Variants in CHD6 observed in about 807,000 individuals in gnomAD.
The protein encoded by CHD6 is ATP-dependent chromatin remodeler CHD6.
Under a neutral mutation model 276.9 loss-of-function variants are expected in CHD6, and 50 were observed. That is an observed-to-expected ratio of 0.18 (90% CI 0.14 to 0.23). The LOEUF (loss-of-function observed/expected upper bound fraction) is 0.23. Ranked by LOEUF, CHD6 falls within the 10% of genes least tolerant of loss-of-function variation. The probability of loss-of-function intolerance (pLI) is 1.00; values close to 1 mark genes in which losing one functional copy is unlikely to be tolerated. For missense variants in CHD6, 2,564 were observed against 3,365.8 expected (o/e 0.76, Z 5.89); for synonymous variants, 1,173 against 1,229.3 (o/e 0.95, Z 0.96).
chr20:41,477,445 T>A (rs2043192321), intron 16 of CHD6, among the ~76,000 whole-genome samples: 1 of 152,030 alleles, frequency 6.6e-6, no homozygotes, highest in Non-Finnish European at 1.5e-5. Flanking sequence ...TCAATATATT[T>A]GGAAATAAAT....
At chr20:41,575,958 T>C (rs1353318527) in intron 1 of CHD6, among the ~76,000 whole-genome samples, 1 of 152,228 alleles carries the variant, frequency 6.6e-6, no homozygotes, top group Non-Finnish European at 1.5e-5. Context: ...AAAAAAACTT[T>C]GGGAAATGAA....
chr20:41,592,219 C>G (rs987179508), intron 1 of CHD6, among the ~76,000 whole-genome samples: 1 of 151,594 alleles, frequency 6.6e-6, no homozygotes, highest in African/African-American at 2.4e-5. Context: ...CAAAACAAAA[C>G]AAAAAAAACT....
At chr20:41,562,553 C>T (rs545229275) in intron 1 of CHD6, among the ~76,000 whole-genome samples, 5 of 151,274 alleles carry the variant, frequency 3.3e-5, no homozygotes, top group South Asian at 2.1e-4. Flanking sequence ...TTGAAACATA[C>T]GGCAATTTGT....
chr20:41,569,076 C>T (rs533608706), intron 1 of CHD6, among the ~76,000 whole-genome samples: 25 of 152,126 alleles, frequency 1.6e-4, no homozygotes, highest in Non-Finnish European at 2.6e-4. Flanking sequence ...ATACATAGAG[C>T]AGGACATGGC....
rs1189323419 is a variant in CHD6, at chr20:41,504,077, C to CAAAAAAAAAAAAAA, written c.853-4734_853-4721dup. Among the ~76,000 whole-genome samples, 132 of 27,092 alleles carry CAAAAAAAAAAAAAA rather than the reference C, an allele frequency of 4.9e-3. 11 individuals are homozygous for CAAAAAAAAAAAAAA. The highest frequency in any genetic ancestry group is 8.0e-3 in the African/African-American group (62 of 7,714). 17.8% of individuals were successfully genotyped at this position (27,092 alleles called of 152,430 possible). A position where few individuals can be genotyped will look rare whatever the true frequency, so the allele number is the denominator to read the frequency against. On this transcript the variant is annotated intron_variant, in intron 5 of 36. Transcript: ENST00000373233. ...TGGGTGATAGAGTGAGACTCTGTCTCAAAAAAAAAAAAAAAAAAAAAAAAA... is the reference window on the plus strand; with the variant it reads ...TGGGTGATAGAGTGAGACTCTGTCTCAAAAAAAAAAAAAAAAAAAAAAAAAAAAAAAAAAAAAAA...
intron 1 of CHD6, among the ~76,000 whole-genome samples, chr20:41,566,665 G>A (rs1402624520): frequency 6.6e-6 from 1 of 152,160 alleles, no homozygotes; most frequent in African/African-American, 2.4e-5. Flanking sequence ...ATGGGAACCA[G>A]GGGTCACCCC....
intron 16 of CHD6, among the ~76,000 whole-genome samples, chr20:41,481,504 GAGA>G (rs2043295037): frequency 6.6e-6 from 1 of 151,908 alleles, no homozygotes; most frequent in Admixed American, 6.6e-5. Context: ...AAATTAAAGA[GAGA>G]ATAATTTTGA....
rs2043091810 is a variant in CHD6, at chr20:41,473,067, T to G, written c.2664+255A>C. ...TTCTGATAATAATAATAATTAGTAG[T>G]TCTAGTCTATATCTGGAGGCTACCA... On this transcript the variant is annotated intron_variant, in intron 17 of 36. Coordinates refer to ENST00000373233, the MANE Select transcript of CHD6 (RefSeq NM_032221.5). This position sits in a 1 kb window ranked among gnomAD's most constrained non-coding sequence, Gnocchi z 4.1. 1 of 420,492 alleles carries G rather than the reference T, an allele frequency of 2.4e-6. No homozygotes were observed. Among genetic ancestry groups the G allele is most frequent in the East Asian group, 3.6e-5 (1 of 27,604 alleles). 26.0% of individuals were successfully genotyped at this position (420,492 alleles called of 1,614,324 possible).
chr20:41,578,733 T>TA (rs904023021), intron 1 of CHD6, among the ~76,000 whole-genome samples: 4 of 147,838 alleles, frequency 2.7e-5, no homozygotes, highest in Admixed American at 6.7e-5. Context: ...TTTTCTATAA[T>TA]AAAAAAAAAT....
intron 1 of CHD6, among the ~76,000 whole-genome samples, chr20:41,578,631 G>A (rs769927935): frequency 6.9e-6 from 1 of 145,902 alleles, no homozygotes; most frequent in Non-Finnish European, 1.5e-5. Context: ...AGTGAGCCGA[G>A]ATCGCACCAC....
chr20:41,570,474 GAATT>G (rs918632557), intron 1 of CHD6, among the ~76,000 whole-genome samples: 8 of 152,212 alleles, frequency 5.3e-5, no homozygotes, highest in African/African-American at 1.9e-4. Context: ...TAGGTGGAAT[GAATT>G]TATATATGAG....
At chr20:41,594,148 C>T (rs73613226) in intron 1 of CHD6, among the ~76,000 whole-genome samples, 3,429 of 152,184 alleles carry the variant, frequency 0.023, 48 homozygotes, top group South Asian at 0.041. Flanking sequence ...TTTATCTAAC[C>T]TCATAAAGGT....
intron 6 of CHD6, among the ~76,000 whole-genome samples, chr20:41,498,779 G>T: frequency 6.9e-6 from 1 of 145,630 alleles, no homozygotes; most frequent in Non-Finnish European, 1.5e-5. Flanking sequence ...GTGTGTATGT[G>T]TGTATGTATG....
intron 27 of CHD6, among the ~76,000 whole-genome samples, chr20:41,431,346 T>C (rs2047531091): frequency 6.6e-6 from 1 of 152,146 alleles, no homozygotes; most frequent in South Asian, 2.1e-4. Context: ...CCAAAGTAAA[T>C]AAATACCATA....
chr20:41,581,613 C>A (rs1258813951), intron 1 of CHD6, among the ~76,000 whole-genome samples: 1 of 151,098 alleles, frequency 6.6e-6, no homozygotes, highest in Admixed American at 6.6e-5. Flanking sequence ...GAGGCGGAGG[C>A]TGCAGTGAGC....
Position 41,403,794 on chromosome 20 carries a change from T to C in CHD6, c.*799A>G, listed in dbSNP as rs576709473. ...GAGCAGAGCGCTAGCCGTGTGCTTG[T>C]GAAGCAGCGTGTAGCTCTACGGAGC... On this transcript the variant is annotated 3_prime_UTR_variant, in exon 37 of 37. Coordinates refer to ENST00000373233, the MANE Select transcript of CHD6 (RefSeq NM_032221.5). 3 of 1,058,110 alleles carry C rather than the reference T, an allele frequency of 2.8e-6. No individual in the cohort carries two copies. Among genetic ancestry groups the C allele is most frequent in the Admixed American group, 5.4e-5 (1 of 18,496 alleles). The allele number at this position is 1,058,110 out of a possible 1,614,324, so 65.5% of individuals were successfully genotyped here. A position where few individuals can be genotyped will look rare whatever the true frequency, so the allele number is the denominator to read the frequency against.
rs1053592679 is a variant in CHD6, at chr20:41,404,128, C to G, written c.*465G>C. 4 of 1,056,572 alleles carry G rather than the reference C, an allele frequency of 3.8e-6. No individual in the cohort carries two copies. Among genetic ancestry groups the G allele is most frequent in the East Asian group, 5.4e-5 (1 of 18,626 alleles). The allele number at this position is 1,056,572 out of a possible 1,614,324, so 65.4% of individuals were successfully genotyped here. A position where few individuals can be genotyped will look rare whatever the true frequency, so the allele number is the denominator to read the frequency against. On this transcript the variant is annotated 3_prime_UTR_variant, in exon 37 of 37. Coordinates refer to ENST00000373233, the MANE Select transcript of CHD6 (RefSeq NM_032221.5). ...AAATATTTTAACTCAAAAATATGCA[C>G]CAGCACTTCCTTTTTCTGTGCTTTT...
At chr20:41,613,024 A>G (rs917424190) in intron 1 of CHD6, among the ~76,000 whole-genome samples, 1 of 152,190 alleles carries the variant, frequency 6.6e-6, no homozygotes, top group African/African-American at 2.4e-5. Flanking sequence ...TAAGTAAATA[A>G]TAAGGCTCTG....
At chr20:41,612,446 A>C (rs1188944791) in intron 1 of CHD6, among the ~76,000 whole-genome samples, 7 of 152,222 alleles carry the variant, frequency 4.6e-5, no homozygotes, top group Non-Finnish European at 7.3e-5. Flanking sequence ...TTGCTTAAAG[A>C]AGCAATCTAA....
Sources: gnomAD v4.1 joint callset for allele counts (sites outside exome capture counted in the v4.1 genomes callset) on GRCh38, gnomAD v4.1.1 for gene constraint, Gnocchi (gnomAD v3.1) non-coding constraint, MANE v1.5 for transcripts, NCBI Gene and HGNC (gene_info 2026-07-23, HGNC 2026-07-21) for gene names.